The following FMN2 variants were observed in gnomAD, a reference collection of about 807,000 sequenced individuals.
FMN2 encodes formin 2.
A neutral mutation model predicts 142.3 loss-of-function variants in FMN2; 51 were observed. That is an observed-to-expected ratio of 0.36 (90% CI 0.29 to 0.45). FMN2 has a LOEUF of 0.45. Among genes scored for constraint, FMN2 ranks in the 20% least tolerant of loss-of-function variants. The pLI is 1.00. For synonymous variants in FMN2, 882 were observed against 869.8 expected (o/e 1.01, Z -0.25); for missense variants, 1,936 against 2,122.8 (o/e 0.91, Z 1.73).
chr1:240,228,089 AGGTCG>A (rs1667381495), intron 6 of FMN2, among the ~76,000 whole-genome samples: 1 of 151,908 alleles, frequency 6.6e-6, no homozygotes, highest in African/African-American at 2.4e-5. Context: ...GGATCACCTG[AGGTCG>A]GGAGTTTGAG....
chr1:240,095,386 T>TGCACAC (rs137945756), intron 1 of FMN2, among the ~76,000 whole-genome samples: 5 of 149,866 alleles, frequency 3.3e-5, no homozygotes, highest in African/African-American at 1.2e-4. Context: ...TATATGTGCA[T>TGCACAC]ACACACACAC....
chr1:240,378,104 T>C (rs1041700148), intron 14 of FMN2, among the ~76,000 whole-genome samples: 3 of 151,962 alleles, frequency 2.0e-5, no homozygotes, highest in Admixed American at 2.0e-4. Context: ...TTGGTATATG[T>C]GTATATGTGT....
intron 16 of FMN2, among the ~76,000 whole-genome samples, chr1:240,448,890 C>T (rs1675913175): frequency 6.6e-6 from 1 of 152,086 alleles, no homozygotes; most frequent in Non-Finnish European, 1.5e-5. Flanking sequence ...CACCTGTAAT[C>T]CCAGTACTTT....
At chr1:240,394,357 A>G (rs1170967965) in intron 15 of FMN2, among the ~76,000 whole-genome samples, 1 of 152,188 alleles carries the variant, frequency 6.6e-6, no homozygotes, top group Non-Finnish European at 1.5e-5. Context: ...CCTTAAACCA[A>G]AGCCTAATCC....
rs1349146393 is a variant in FMN2 at position 240,188,203 on chromosome 1, C to A, written c.1931-4C>A. The stretch of plus-strand genomic sequence containing the variant: ...ACTGACTGTCTGCTTCCTTTCCAAT[C>A]TAGAATCTCAATCTGCTGTTTCAGA... On this transcript the variant is annotated splice_polypyrimidine_tract_variant and splice_region_variant and intron_variant, in intron 3 of 17. Coordinates refer to ENST00000319653, the MANE Select transcript of FMN2 (RefSeq NM_020066.5). 16 of 1,613,650 alleles carry A rather than the reference C, an allele frequency of 9.9e-6. No individual in the cohort carries two copies. The South Asian group carries it at 1.8e-4, about 18-fold the overall frequency.
At chr1:240,459,161 G>C (rs1256342292) in intron 16 of FMN2, 1 of 152,034 alleles carries the variant, frequency 6.6e-6, no homozygotes, top group Non-Finnish European at 1.5e-5. Context: ...GCTCTTAATA[G>C]TACCTTTCAG....
Position 240,232,970 on chromosome 1 carries a change from G to A in FMN2, c.4065+21735G>A, listed in dbSNP as rs143828615. ...CTGTGTGTTTACTCACATCAACATC[G>A]TAGTTTTAAAATGTAAGCTGTTGTA... On this transcript the variant is annotated intron_variant, in intron 6 of 17. Coordinates refer to ENST00000319653, the MANE Select transcript of FMN2 (RefSeq NM_020066.5). Among the ~76,000 whole-genome samples the A allele has an allele frequency of 1.9e-3, 285 of 152,192 alleles. 1 individual carries two copies. Among genetic ancestry groups the A allele is most frequent in the African/African-American group, 6.8e-3 (282 of 41,516 alleles).
intron 15 of FMN2, among the ~76,000 whole-genome samples, chr1:240,396,653 T>C (rs1452405660): frequency 1.3e-5 from 2 of 152,118 alleles, no homozygotes; most frequent in African/African-American, 4.8e-5. Flanking sequence ...CCCATGCTTA[T>C]GTCTATGTGT....
chr1:240,469,747 T>C (rs1439023936), intron 16 of FMN2, among the ~76,000 whole-genome samples: 3 of 152,194 alleles, frequency 2.0e-5, no homozygotes, highest in Non-Finnish European at 2.9e-5. Flanking sequence ...CAGTTGTACC[T>C]TATACGAACC....
intron 13 of FMN2, among the ~76,000 whole-genome samples, chr1:240,338,971 C>T (rs975933445): frequency 2.7e-4 from 41 of 152,166 alleles, no homozygotes; most frequent in Middle Eastern, 3.2e-3. Context: ...AGCATTCAAC[C>T]GAGATCCTGC....
intron 2 of FMN2, among the ~76,000 whole-genome samples, chr1:240,177,666 C>T (rs1311702878): frequency 6.6e-6 from 1 of 151,984 alleles, no homozygotes; most frequent in Admixed American, 6.6e-5. Context: ...TCTCTCCCTC[C>T]AAAGAAAGAG....
At chr1:240,128,779 C>CCCGG (rs1662614529) in intron 2 of FMN2, among the ~76,000 whole-genome samples, 1 of 152,156 alleles carries the variant, frequency 6.6e-6, no homozygotes, top group African/African-American at 2.4e-5. Flanking sequence ...AGCAGCCAGT[C>CCCGG]CCGGAAAACT....
intron 6 of FMN2, among the ~76,000 whole-genome samples, chr1:240,239,276 T>C (rs1323382731): frequency 6.6e-6 from 1 of 152,180 alleles, no homozygotes. Context: ...GAGGATGTGA[T>C]AGAATTGTTT....
At chr1:240,264,833 T>C (rs1210099317) in intron 7 of FMN2, among the ~76,000 whole-genome samples, 1 of 152,178 alleles carries the variant, frequency 6.6e-6, no homozygotes, top group Non-Finnish European at 1.5e-5. Context: ...AGAGATGGAA[T>C]TAGCTATTGG....
chr1:240,170,407 G>C, intron 2 of FMN2: 2 of 1,233,078 alleles, frequency 1.6e-6, no homozygotes, highest in Non-Finnish European at 2.4e-6. Flanking sequence ...TGGTGAGGGA[G>C]TTGCTAAGCT....
At chr1:240,123,614 A>G (rs1055869916) in intron 2 of FMN2, among the ~76,000 whole-genome samples, 1 of 152,114 alleles carries the variant, frequency 6.6e-6, no homozygotes, top group African/African-American at 2.4e-5. Flanking sequence ...TGCTTTAATC[A>G]ACGATGATTT....
At chr1:240,310,298 G>A (rs1670558940) in intron 8 of FMN2, among the ~76,000 whole-genome samples, 1 of 152,084 alleles carries the variant, frequency 6.6e-6, no homozygotes, top group South Asian at 2.1e-4. Flanking sequence ...AATGTCATTG[G>A]TCTGTTTTAA....
At chr1:240,362,468 T>C (rs1351040732) in intron 14 of FMN2, among the ~76,000 whole-genome samples, 1 of 152,200 alleles carries the variant, frequency 6.6e-6, no homozygotes, top group Non-Finnish European at 1.5e-5. Context: ...CACTGGGGAC[T>C]CATGTTTTCC....
intron 14 of FMN2, among the ~76,000 whole-genome samples, chr1:240,372,235 C>T (rs1672892642): frequency 6.6e-6 from 1 of 151,956 alleles, no homozygotes; most frequent in Admixed American, 6.6e-5. Flanking sequence ...GACTCCATCT[C>T]AAAAAACAAA....
Sources: gnomAD v4.1 joint callset for allele counts (sites outside exome capture counted in the v4.1 genomes callset) on GRCh38, gnomAD v4.1.1 for gene constraint, MANE v1.5 for transcripts, NCBI Gene and HGNC (gene_info 2026-07-23, HGNC 2026-07-21) for gene names.